CPA6: variants seen among roughly 807,000 people sequenced by gnomAD.
The protein encoded by CPA6 is carboxypeptidase A6, also known as carboxypeptidase B.
CPA6 carries 58 observed loss-of-function variants against 63.3 expected under a neutral mutation model. The ratio of observed to expected loss-of-function variants is 0.92; its 90% confidence interval spans 0.74 to 1.14. The LOEUF is 1.14. CPA6 is among the 50% of genes most tolerant of loss of function. CPA6 has a pLI of 0.00. For synonymous variants in CPA6, 185 were observed against 179.0 expected (o/e 1.03, Z -0.27); for missense variants, 565 against 526.6 (o/e 1.07, Z -0.71).
At chr8:67,578,554 T>G (rs1335894894) in intron 2 of CPA6, among the ~76,000 whole-genome samples, 4 of 152,184 alleles carry the variant, frequency 2.6e-5, no homozygotes, top group Admixed American at 2.6e-4. Context: ...AGCATCTTGA[T>G]TACCAAGATG....
intron 1 of CPA6, among the ~76,000 whole-genome samples, chr8:67,632,116 TTAAACTTTTTG>T (rs1240322217): frequency 6.6e-6 from 1 of 151,994 alleles, no homozygotes; most frequent in Non-Finnish European, 1.5e-5. Flanking sequence ...AGCATTTTTT[TTAAACTTTTTG>T]TAAACCTTTA....
At chr8:67,680,062 T>C (rs945995035) in intron 1 of CPA6, among the ~76,000 whole-genome samples, 4 of 152,218 alleles carry the variant, frequency 2.6e-5, no homozygotes, top group Non-Finnish European at 5.9e-5. Flanking sequence ...TAAAATGCAT[T>C]TCCCCCAGGA....
intron 1 of CPA6, among the ~76,000 whole-genome samples, chr8:67,703,617 G>A (rs1306391030): frequency 1.3e-5 from 2 of 152,184 alleles, no homozygotes; most frequent in Admixed American, 6.5e-5. Context: ...TGCTATTTGT[G>A]CACCCATGGC....
At chr8:67,597,748 T>G (rs1814383947) in intron 2 of CPA6, among the ~76,000 whole-genome samples, 1 of 152,224 alleles carries the variant, frequency 6.6e-6, no homozygotes, top group South Asian at 2.1e-4. Flanking sequence ...CTGCCATTCT[T>G]TTTATCTCCA....
chr8:67,643,867 A>G (rs1815650671), intron 1 of CPA6, among the ~76,000 whole-genome samples: 1 of 152,208 alleles, frequency 6.6e-6, no homozygotes, highest in African/African-American at 2.4e-5. Context: ...TCTGATAAGC[A>G]TCCCAGGTGA....
At position 67,422,894 on chromosome 8, in the gene CPA6, G is replaced by A. The variant is rs542913143; in HGVS notation, c.1127-203C>T. Among the ~76,000 whole-genome samples the A allele has an allele frequency of 2.0e-5, 3 of 152,266 alleles. No individual in the cohort carries two copies. In the South Asian group the frequency reaches 6.2e-4, roughly 32 times the overall value. On this transcript the variant is annotated intron_variant, in intron 10 of 10. Transcript: ENST00000297770. ...AAATCATCCCTTCAACCATCTTTAAGGATCCAGTCTACGTGTGAATGCCTT... is the reference window on the plus strand; with the variant it reads ...AAATCATCCCTTCAACCATCTTTAAAGATCCAGTCTACGTGTGAATGCCTT...
At chr8:67,465,491 T>G (rs1458266778) in intron 8 of CPA6, among the ~76,000 whole-genome samples, 1 of 152,198 alleles carries the variant, frequency 6.6e-6, no homozygotes, top group African/African-American at 2.4e-5. Flanking sequence ...TTTTATTTCT[T>G]TCTCTTGCCT....
At chr8:67,721,750 G>A (rs781238867) in intron 1 of CPA6, among the ~76,000 whole-genome samples, 1 of 152,194 alleles carries the variant, frequency 6.6e-6, no homozygotes, top group Non-Finnish European at 1.5e-5. Context: ...TACAAATTTT[G>A]CCTGCTGTAC....
chr8:67,639,624 G>A (rs1019925512), intron 1 of CPA6, among the ~76,000 whole-genome samples: 4 of 151,730 alleles, frequency 2.6e-5, no homozygotes, highest in Admixed American at 2.6e-4. Context: ...GGGTATCACA[G>A]CCCTGGCTTG....
chr8:67,472,336 A>C (rs1296651514), intron 8 of CPA6, among the ~76,000 whole-genome samples: 2 of 151,468 alleles, frequency 1.3e-5, no homozygotes, highest in Non-Finnish European at 2.9e-5. Context: ...CTGCTTACTC[A>C]TTGACTTTGA....
intron 1 of CPA6, among the ~76,000 whole-genome samples, chr8:67,712,427 G>A (rs1356991315): frequency 6.6e-6 from 1 of 152,110 alleles, no homozygotes; most frequent in African/African-American, 2.4e-5. Flanking sequence ...AAGGTACAGA[G>A]GCACATGGAA....
At chr8:67,590,228 T>C (rs1196902544) in intron 2 of CPA6, among the ~76,000 whole-genome samples, 4 of 151,974 alleles carry the variant, frequency 2.6e-5, no homozygotes, top group Admixed American at 2.6e-4. Context: ...CTCATCATTT[T>C]TTATGGCTGC....
At position 67,512,422 on chromosome 8, in the gene CPA6, G is replaced by C. The variant is rs533344577; in HGVS notation, c.318-767C>G. Among the ~76,000 whole-genome samples, 5 of 152,316 alleles carry C rather than the reference G, an allele frequency of 3.3e-5. No individual in the cohort carries two copies. The East Asian group carries it at 7.7e-4, about 23-fold the overall frequency. On this transcript the variant is annotated intron_variant, in intron 3 of 10. Coordinates refer to ENST00000297770, the MANE Select transcript of CPA6 (RefSeq NM_020361.5). ...CAGAGTTGGAAAAAGCGATTTCACT[G>C]CCTGCCAGCATCAAGAATGCCAAGA...
In CPA6 at chr8:67,545,563, CTTTTTT is replaced by C. The variant is rs35213871; in HGVS notation, c.193-27522_193-27517del. Among the ~76,000 whole-genome samples the C allele has an allele frequency of 8.7e-5, 7 of 80,472 alleles. No homozygotes were observed. The East Asian group carries it at 1.5e-3, about 17-fold the overall frequency. 52.8% of individuals were successfully genotyped at this position (80,472 alleles called of 152,430 possible). ...TTTCTTTCCACAGTTGCTACTGTTA[CTTTTTT>C]TTTTTTTTTTTTTTTGAGATGGAGT... is the stretch of plus-strand genomic sequence containing the variant. On this transcript the variant is annotated intron_variant, in intron 2 of 10. Transcript: ENST00000297770.
Position 67,655,148 on chromosome 8 carries a change from T to G in CPA6, c.117-30897A>C, listed in dbSNP as rs564955647. Among the ~76,000 whole-genome samples, 25 of 152,310 alleles carry G rather than the reference T, an allele frequency of 1.6e-4. No homozygotes were observed. In the East Asian group the frequency reaches 4.6e-3, roughly 28 times the overall value. ...GTCCTTGAATGCATCTGGGGTTTCT[T>G]TGTTATAACAGGGATTCTTACTGAA... is the stretch of plus-strand genomic sequence containing the variant. On this transcript the variant is annotated intron_variant, in intron 1 of 10. Coordinates refer to ENST00000297770, the MANE Select transcript of CPA6 (RefSeq NM_020361.5).
chr8:67,717,358 T>G (rs1817403445), intron 1 of CPA6, among the ~76,000 whole-genome samples: 1 of 152,194 alleles, frequency 6.6e-6, no homozygotes, highest in Admixed American at 6.5e-5. Context: ...ACTGGGACAT[T>G]GTTGGCTTCC....
At chr8:67,524,613 C>CATTTT (rs1554670781) in intron 2 of CPA6, among the ~76,000 whole-genome samples, 8 of 149,812 alleles carry the variant, frequency 5.3e-5, no homozygotes, top group Admixed American at 6.6e-5. Flanking sequence ...TTTGAAAAAA[C>CATTTT]TTTTTTTGTT....
intron 8 of CPA6, among the ~76,000 whole-genome samples, chr8:67,467,154 A>G (rs1028475375): frequency 3.3e-5 from 5 of 152,092 alleles, no homozygotes; most frequent in East Asian, 1.9e-4. Flanking sequence ...TTTCTTTATA[A>G]TGTATTTTCA....
At chr8:67,662,610 G>GTATA (rs1816142998) in intron 1 of CPA6, among the ~76,000 whole-genome samples, 1 of 137,134 alleles carries the variant, frequency 7.3e-6, no homozygotes, top group Non-Finnish European at 1.5e-5. Flanking sequence ...ACATACACAC[G>GTATA]TATATGTATA....
Sources: gnomAD v4.1 joint callset for allele counts (sites outside exome capture counted in the v4.1 genomes callset) on GRCh38, gnomAD v4.1.1 for gene constraint, MANE v1.5 for transcripts, NCBI Gene and HGNC (gene_info 2026-07-23, HGNC 2026-07-21) for gene names.